NR6A1: variants seen among roughly 807,000 people sequenced by gnomAD.
The protein encoded by NR6A1 is retinoic acid receptor-related testis-associated receptor.
In NR6A1, 7 loss-of-function variants were observed where a neutral mutation model predicts 59.1. That is an observed-to-expected ratio of 0.12 (90% CI 0.07 to 0.22). The LOEUF is 0.22. Among genes scored for constraint, NR6A1 ranks in the 10% least tolerant of loss-of-function variants. The pLI, the probability that NR6A1 is intolerant of heterozygous loss-of-function variation, is 1.00. For synonymous variants in NR6A1, 243 were observed against 236.1 expected, an observed-to-expected ratio of 1.03 and a Z score of -0.27; for missense variants, 468 against 611.6, an observed-to-expected ratio of 0.77 and a Z score of 2.48.
chr9:124,684,542 C>A (rs115700987), intron 2 of NR6A1, among the ~76,000 whole-genome samples: 123 of 152,244 alleles, frequency 8.1e-4, no homozygotes, highest in African/African-American at 2.8e-3. Flanking sequence ...GACACTTGGC[C>A]AGGAGCCCAA....
chr9:124,554,263 C>T (rs1014061181), intron 3 of NR6A1, 65 bp downstream of exon 3: 20 of 1,608,412 alleles, frequency 1.2e-5, no homozygotes, highest in Admixed American at 6.7e-5. Context: ...AGTAACTAAA[C>T]AGCTGACACT....
At chr9:124,652,632 A>T (rs1371556492) in intron 2 of NR6A1, among the ~76,000 whole-genome samples, 1 of 152,072 alleles carries the variant, frequency 6.6e-6, no homozygotes, top group African/African-American at 2.4e-5. Flanking sequence ...CATAAAATTA[A>T]CTCAGTACCA....
chr9:124,721,678 T>G (rs1335897342), intron 2 of NR6A1, among the ~76,000 whole-genome samples: 4 of 152,144 alleles, frequency 2.6e-5, no homozygotes, highest in Non-Finnish European at 4.4e-5. Flanking sequence ...CTACTTTGTG[T>G]CCAAAACCAC....
At chr9:124,644,452 A>T (rs971853856) in intron 2 of NR6A1, among the ~76,000 whole-genome samples, 1 of 151,622 alleles carries the variant, frequency 6.6e-6, no homozygotes, top group Non-Finnish European at 1.5e-5. Context: ...GGGTTTCACC[A>T]TGTTGGCCAG....
rs535180868 is a variant in NR6A1 at position 124,518,461 on chromosome 9, G to A, written c.*4244C>T. ...TGTTGCTGTGGCAGCCTAGAGAGGA[G>A]TTTCTGGGGATCCTGTAATTAAATA... On this transcript the variant is annotated 3_prime_UTR_variant, in exon 10 of 10. Coordinates refer to ENST00000487099, the MANE Select transcript of NR6A1 (RefSeq NM_033334.4). 1 of 152,018 alleles carries A rather than the reference G, an allele frequency of 6.6e-6. No individual in the cohort carries two copies. The highest frequency in any genetic ancestry group is 6.6e-5 in the Admixed American group (1 of 15,256). The allele number at this position is 152,018 out of a possible 1,614,324, so 9.4% of individuals were successfully genotyped here. A position where few individuals can be genotyped will look rare whatever the true frequency, so the allele number is the denominator to read the frequency against.
At chr9:124,609,846 T>C (rs561566985) in intron 2 of NR6A1, among the ~76,000 whole-genome samples, 1 of 152,318 alleles carries the variant, frequency 6.6e-6, no homozygotes, top group African/African-American at 2.4e-5. Flanking sequence ...GCTGTATTCC[T>C]AGGTATTTTA....
At chr9:124,550,375 ATTTT>A in intron 3 of NR6A1, among the ~76,000 whole-genome samples, 1 of 117,618 alleles carries the variant, frequency 8.5e-6, no homozygotes, top group South Asian at 2.8e-4. Flanking sequence ...CTAATGGTGA[ATTTT>A]TTTTTTTTTT....
chr9:124,663,353 T>C (rs1164032431), intron 2 of NR6A1, among the ~76,000 whole-genome samples: 2 of 152,174 alleles, frequency 1.3e-5, no homozygotes, highest in Admixed American at 1.3e-4. Flanking sequence ...TCGGATGCCA[T>C]TCTCAGCCTA....
chr9:124,633,397 C>T lies in NR6A1; in HGVS notation c.143-78827G>A, dbSNP rs1217180518. On this transcript the variant is annotated intron_variant, in intron 2 of 9. Coordinates refer to ENST00000487099, the MANE Select transcript of NR6A1 (RefSeq NM_033334.4). Reference sequence around the variant, plus strand: ...CAGCCTGGGCGACAGAGCGAAACTCCGTCTCAAAAAAAAAAAAAAAAAAAA... The same window carrying T: ...CAGCCTGGGCGACAGAGCGAAACTCTGTCTCAAAAAAAAAAAAAAAAAAAA... Among the ~76,000 whole-genome samples, 290 of 115,232 alleles carry T rather than the reference C, an allele frequency of 2.5e-3. 1 individual carries two copies. The highest frequency in any genetic ancestry group is 3.6e-3 in the Non-Finnish European group (210 of 58,944). 75.6% of individuals were successfully genotyped at this position (115,232 alleles called of 152,430 possible).
At chr9:124,745,004 G>C (rs1182990058) in intron 1 of NR6A1, among the ~76,000 whole-genome samples, 1 of 152,170 alleles carries the variant, frequency 6.6e-6, no homozygotes, top group Non-Finnish European at 1.5e-5. Context: ...CCTAGAAAAT[G>C]TTTATCCCTC....
Position 124,518,535 on chromosome 9 carries a change from G to A in NR6A1, c.*4170C>T, listed in dbSNP as rs575791119. On this transcript the variant is annotated 3_prime_UTR_variant, in exon 10 of 10. Coordinates refer to ENST00000487099, the MANE Select transcript of NR6A1 (RefSeq NM_033334.4). ...GAAACCCTTGTCTCCAGGCTAACCA[G>A]TTTCCAACACTTGGTGGAATGACTG... 5.3e-5 allele frequency: 8 copies of A among 152,104 alleles called. No individual in the cohort carries two copies. The highest frequency in any genetic ancestry group is 1.0e-4 in the Non-Finnish European group (7 of 68,034). 9.4% of individuals were successfully genotyped at this position (152,104 alleles called of 1,614,324 possible).
At chr9:124,634,639 G>A (rs570760111) in intron 2 of NR6A1, among the ~76,000 whole-genome samples, 5 of 152,264 alleles carry the variant, frequency 3.3e-5, no homozygotes, top group South Asian at 4.1e-4. Flanking sequence ...GGCTAACACG[G>A]TGAAACCCCG....
chr9:124,742,970 C>A (rs1358738181), intron 1 of NR6A1, among the ~76,000 whole-genome samples: 1 of 152,194 alleles, frequency 6.6e-6, no homozygotes, highest in African/African-American at 2.4e-5. Context: ...CCTTTAGATT[C>A]TAGAAACTTC....
At chr9:124,702,886 T>C (rs1839006306) in intron 2 of NR6A1, among the ~76,000 whole-genome samples, 1 of 152,040 alleles carries the variant, frequency 6.6e-6, no homozygotes. Context: ...TTTTGCCTAT[T>C]CTACGAATAG....
intron 2 of NR6A1, among the ~76,000 whole-genome samples, chr9:124,626,422 A>T (rs1467481347): frequency 6.6e-6 from 1 of 152,246 alleles, no homozygotes; most frequent in African/African-American, 2.4e-5. Flanking sequence ...GTTTCTCTGG[A>T]GAATAATGAC....
chr9:124,664,897 C>T (rs775045539), intron 2 of NR6A1, among the ~76,000 whole-genome samples: 2 of 150,576 alleles, frequency 1.3e-5, no homozygotes, highest in Non-Finnish European at 2.9e-5. Flanking sequence ...CAGGGGCCAG[C>T]GACGGTAGCT....
At chr9:124,746,976 A>G (rs1206061135) in intron 1 of NR6A1, among the ~76,000 whole-genome samples, 2 of 152,190 alleles carry the variant, frequency 1.3e-5, no homozygotes, top group African/African-American at 4.8e-5. Flanking sequence ...TGGTCACACT[A>G]TTTATTTCTT....
At chr9:124,744,724 G>C (rs1431133419) in intron 1 of NR6A1, among the ~76,000 whole-genome samples, 1 of 152,180 alleles carries the variant, frequency 6.6e-6, no homozygotes, top group Admixed American at 6.5e-5. Context: ...GTTTTTATTT[G>C]TTCATTGTCA....
At chr9:124,613,264 G>A (rs1396957893) in intron 2 of NR6A1, among the ~76,000 whole-genome samples, 1 of 152,178 alleles carries the variant, frequency 6.6e-6, no homozygotes, top group East Asian at 1.9e-4. Context: ...AAGCCCAGAA[G>A]TTTGATGCTG....
Sources: allele counts gnomAD v4.1 joint callset (sites outside exome capture counted in the v4.1 genomes callset), GRCh38; gene constraint gnomAD v4.1.1; transcripts MANE v1.5; gene names NCBI Gene and HGNC (gene_info 2026-07-23, HGNC 2026-07-21).